The following CCDC7 variants were observed in gnomAD, a reference collection of about 807,000 sequenced individuals.
CCDC7 encodes the protein coiled-coil domain-containing protein 7.
CCDC7 carries 183 observed loss-of-function variants against 196.9 expected under a neutral mutation model. The observed-to-expected ratio is 0.93, with a 90% CI of 0.82 to 1.05. CCDC7 has a LOEUF of 1.05. Ranked by LOEUF, CCDC7 falls within the 50% of genes least tolerant of loss-of-function variation. The pLI is 0.00. For missense variants in CCDC7, 1,540 were observed against 1,482.2 expected, an observed-to-expected ratio of 1.04 and a Z score of -0.64; for synonymous variants, 525 against 484.6, an observed-to-expected ratio of 1.08 and a Z score of -1.10.
At chr10:32,570,587 G>A (rs2057416099) in intron 15 of CCDC7, among the ~76,000 whole-genome samples, 1 of 152,194 alleles carries the variant, frequency 6.6e-6, no homozygotes, top group South Asian at 2.1e-4. Context: ...AGGTATCCCA[G>A]CATATGGAAG....
At chr10:32,652,961 C>T (rs1471792857) in intron 20 of CCDC7, among the ~76,000 whole-genome samples, 1 of 152,062 alleles carries the variant, frequency 6.6e-6, no homozygotes, top group East Asian at 1.9e-4. Flanking sequence ...GAGTAACTTC[C>T]TTTAGTATTT....
intron 40 of CCDC7, among the ~76,000 whole-genome samples, chr10:32,853,252 A>G (rs1020658469): frequency 1.3e-5 from 2 of 152,178 alleles, no homozygotes; most frequent in South Asian, 4.1e-4. Context: ...GGAGAATAAA[A>G]TTAATAAATG....
chr10:32,826,947 G>A (rs1257899285), intron 32 of CCDC7, among the ~76,000 whole-genome samples: 4 of 152,234 alleles, frequency 2.6e-5, no homozygotes, highest in Non-Finnish European at 5.9e-5. Context: ...CTTGAAAGAA[G>A]CATGATTGAA....
At chr10:32,679,917 G>A (rs948058926) in intron 21 of CCDC7, among the ~76,000 whole-genome samples, 104 of 152,256 alleles carry the variant, frequency 6.8e-4, no homozygotes, top group African/African-American at 2.5e-3. Flanking sequence ...TACTGAATGG[G>A]GCATGTGCAG....
At chr10:32,772,809 C>T (rs534390663) in intron 28 of CCDC7, among the ~76,000 whole-genome samples, 5 of 152,244 alleles carry the variant, frequency 3.3e-5, no homozygotes, top group East Asian at 1.9e-4. Context: ...TTTCAGGATC[C>T]CTGGTGGGGG....
At chr10:32,788,446 T>A (rs2082194114) in intron 29 of CCDC7, among the ~76,000 whole-genome samples, 1 of 152,184 alleles carries the variant, frequency 6.6e-6, no homozygotes, top group South Asian at 2.1e-4. Flanking sequence ...TAGGCCTGCC[T>A]CAGTACCAGG....
chr10:32,718,276 C>G (rs1459220191), intron 25 of CCDC7, among the ~76,000 whole-genome samples: 1 of 152,148 alleles, frequency 6.6e-6, no homozygotes, highest in Non-Finnish European at 1.5e-5. Context: ...GAACCAATGA[C>G]AAAAACCACA....
In CCDC7 at chr10:32,544,332, AT is replaced by A. The variant is rs1381172785; in HGVS notation, c.1134+34del. 2.5e-6 allele frequency: 4 copies of A among 1,587,086 alleles called. No individual in the cohort carries two copies. The Admixed American group carries it at 5.2e-5, about 21-fold the overall frequency. ...ACACCCACTCTCTCTATGCATCAAT[AT>A]TTGATTAATACTTGCTCTGATAGTC... On this transcript the variant is annotated intron_variant, in intron 13 of 41. Transcript: ENST00000639629.
At chr10:32,617,446 C>T in intron 18 of CCDC7, among the ~76,000 whole-genome samples, 1 of 151,382 alleles carries the variant, frequency 6.6e-6, no homozygotes, top group East Asian at 1.9e-4. Context: ...CCCTCTTAGC[C>T]CCGCTTTTGC....
At chr10:32,814,563 GC>G (rs2087957708) in intron 31 of CCDC7, 110 bp downstream of exon 32, 1 of 698,640 alleles carries the variant, frequency 1.4e-6, no homozygotes. Context: ...TATTACATAG[GC>G]AAAAGTCTTT....
intron 40 of CCDC7, among the ~76,000 whole-genome samples, chr10:32,854,074 A>G (rs973542919): frequency 6.6e-6 from 1 of 152,082 alleles, no homozygotes; most frequent in South Asian, 2.1e-4. Flanking sequence ...TTGTTCCCAT[A>G]TTTATGTCCA....
intron 14 of CCDC7, 93 bp downstream of exon 15, chr10:32,565,713 A>T: frequency 7.2e-7 from 1 of 1,382,500 alleles, no homozygotes; most frequent in Non-Finnish European, 9.9e-7. Flanking sequence ...TTTGTAAGCT[A>T]AGAGGTCTAC....
At position 32,845,345 on chromosome 10, in the gene CCDC7, C is replaced by T. The variant is rs1366650699; in HGVS notation, c.3436+19C>T. The T allele has an allele frequency of 6.6e-7, 1 of 1,504,984 alleles. No individual in the cohort carries two copies. The highest frequency in any genetic ancestry group is 9.1e-7 in the Non-Finnish European group (1 of 1,103,324). 93.2% of individuals were successfully genotyped at this position (1,504,984 alleles called of 1,614,324 possible). ...CACCAAAGTAAGAAAAAGAATTTTTCACATCTAATATTTATGGCTGATTGA... is the reference window on the plus strand; with the variant it reads ...CACCAAAGTAAGAAAAAGAATTTTTTACATCTAATATTTATGGCTGATTGA... On this transcript the variant is annotated intron_variant, in intron 34 of 41. Transcript: ENST00000639629.
At chr10:32,490,959 C>T (rs1271694276) in intron 8 of CCDC7, among the ~76,000 whole-genome samples, 1 of 152,178 alleles carries the variant, frequency 6.6e-6, no homozygotes, top group African/African-American at 2.4e-5. Context: ...TTGACTCTCT[C>T]AAAGTAAAGC....
In CCDC7 at chr10:32,817,698, A is replaced by G. The variant is rs572448754; in HGVS notation, c.3181+3245A>G. Among the ~76,000 whole-genome samples, 156 of 152,374 alleles carry G rather than the reference A, an allele frequency of 1.0e-3. No homozygotes were observed. In the Middle Eastern group the frequency reaches 0.02, roughly 20 times the overall value. ...GGCCAATATTCAACATTCTTAAAGAAAAGAATTTTCAACTCAGAATTTCAT... is the reference window on the plus strand; with the variant it reads ...GGCCAATATTCAACATTCTTAAAGAGAAGAATTTTCAACTCAGAATTTCAT... On this transcript the variant is annotated intron_variant, in intron 31 of 41. Coordinates refer to ENST00000639629, the Ensembl canonical transcript of CCDC7.
intron 28 of CCDC7, among the ~76,000 whole-genome samples, chr10:32,762,149 C>T (rs887439781): frequency 4.6e-5 from 7 of 151,922 alleles, no homozygotes; most frequent in Non-Finnish European, 8.8e-5. Flanking sequence ...AGGGTTTGGA[C>T]CACATATAGT....
chr10:32,841,834 CA>C (rs2092995026), intron 33 of CCDC7, among the ~76,000 whole-genome samples: 1 of 152,000 alleles, frequency 6.6e-6, no homozygotes, highest in African/African-American at 2.4e-5. Flanking sequence ...TTCGACAAAA[CA>C]AACAAAAACA....
At chr10:32,707,050 A>T (rs1275842815) in intron 24 of CCDC7, among the ~76,000 whole-genome samples, 1 of 152,240 alleles carries the variant, frequency 6.6e-6, no homozygotes, top group Admixed American at 6.5e-5. Context: ...TCCCTGATGA[A>T]CATCGATGCA....
chr10:32,800,976 A>C (rs1275565002), intron 29 of CCDC7, among the ~76,000 whole-genome samples: 3 of 152,220 alleles, frequency 2.0e-5, no homozygotes, highest in African/African-American at 4.8e-5. Flanking sequence ...TCTGATTGCT[A>C]CTTTGCCTCT....
Sources: gnomAD v4.1 joint callset for allele counts (sites outside exome capture counted in the v4.1 genomes callset) on GRCh38, gnomAD v4.1.1 for gene constraint, MANE v1.5 for transcripts, NCBI Gene and HGNC (gene_info 2026-07-23, HGNC 2026-07-21) for gene names.